IDE: variants seen among roughly 807,000 people sequenced by gnomAD.
The protein encoded by IDE is insulin degrading enzyme.
In IDE, 58 loss-of-function variants were observed where a neutral mutation model predicts 133.2. The observed-to-expected ratio is 0.44, with a 90% CI of 0.35 to 0.54. The LOEUF is 0.54. Among genes scored for constraint, IDE ranks in the 20% least tolerant of loss-of-function variants. IDE has a pLI of 0.00. For synonymous variants in IDE, 396 were observed against 421.3 expected, an observed-to-expected ratio of 0.94 and a Z score of 0.73; for missense variants, 981 against 1,234.0, an observed-to-expected ratio of 0.79 and a Z score of 3.07.
In IDE at chr10:92,534,597, G is replaced by A. The variant is rs1056004069; in HGVS notation, c.472C>T (p.Leu158=). ...NYYFDVSHEH[L]EGALDRFAQF... ...CATTACCTGTCTAGGGCACCTTCTA[G>A]GTGTTCATGAGAAACATCAAAATAG... Residue 158 remains leucine, a synonymous_variant, in exon 3 of 25, where the codon CTA becomes TTA. Coordinates refer to ENST00000265986, the MANE Select transcript of IDE (RefSeq NM_004969.4). The A allele has an allele frequency of 6.2e-7, 1 of 1,612,522 alleles. No individual in the cohort carries two copies. The highest frequency in any genetic ancestry group is 1.3e-5 in the African/African-American group (1 of 74,946).
At chr10:92,484,835 G>A (rs957050579) in intron 13 of IDE, among the ~76,000 whole-genome samples, 24 of 152,004 alleles carry the variant, frequency 1.6e-4, no homozygotes, top group African/African-American at 4.8e-4. Context: ...AGGCAGGATC[G>A]CTTGAGCCTA....
chr10:92,511,732 AG>A (rs1397510662), intron 5 of IDE, among the ~76,000 whole-genome samples: 1 of 152,174 alleles, frequency 6.6e-6, no homozygotes, highest in Non-Finnish European at 1.5e-5. Flanking sequence ...AAATGTCCAG[AG>A]CCAAATAAAA....
chr10:92,566,400 C>T (rs1415355955), intron 1 of IDE, among the ~76,000 whole-genome samples: 1 of 141,196 alleles, frequency 7.1e-6, no homozygotes. Flanking sequence ...CTCTCTCTCT[C>T]TCTCTCTCTC....
chr10:92,537,066 G>A (rs1007181395), intron 2 of IDE, among the ~76,000 whole-genome samples: 4 of 151,052 alleles, frequency 2.6e-5, no homozygotes, highest in African/African-American at 9.7e-5. Context: ...AAAAAGGAAT[G>A]TTATATTAAA....
chr10:92,553,211 G>A (rs1815594929), intron 1 of IDE, among the ~76,000 whole-genome samples: 1 of 152,134 alleles, frequency 6.6e-6, no homozygotes, highest in African/African-American at 2.4e-5. Flanking sequence ...ATCACCTGAA[G>A]TCAGGAGTTC....
At chr10:92,459,987 G>A (rs1267478060) in intron 22 of IDE, among the ~76,000 whole-genome samples, 4 of 151,784 alleles carry the variant, frequency 2.6e-5, no homozygotes, top group Admixed American at 2.0e-4. Context: ...CCGCCACCAT[G>A]CCCAGCTAAT....
intron 5 of IDE, among the ~76,000 whole-genome samples, chr10:92,514,681 A>G (rs1254194009): frequency 6.6e-6 from 1 of 152,134 alleles, no homozygotes; most frequent in Non-Finnish European, 1.5e-5. Context: ...ATATGCTTAG[A>G]GCACCTATTA....
chr10:92,455,426 A>C, intron 24 of IDE, 150 bp downstream of exon 24: 1 of 597,766 alleles, frequency 1.7e-6, no homozygotes, highest in South Asian at 2.1e-5. Flanking sequence ...TAGTGAGCTG[A>C]GCTGAGATCG....
intron 20 of IDE, among the ~76,000 whole-genome samples, chr10:92,464,926 TC>T (rs1190857726): frequency 6.6e-6 from 1 of 152,214 alleles, no homozygotes; most frequent in African/African-American, 2.4e-5. Context: ...CGCCGCAGCC[TC>T]CCAAAGTGCT....
At chr10:92,519,282 A>G (rs999814158) in intron 4 of IDE, among the ~76,000 whole-genome samples, 2 of 152,242 alleles carry the variant, frequency 1.3e-5, no homozygotes, top group African/African-American at 4.8e-5. Flanking sequence ...AACAACGTGA[A>G]TAAGGCTGGG....
chr10:92,533,141 T>C (rs1430558655), intron 3 of IDE, among the ~76,000 whole-genome samples: 1 of 152,184 alleles, frequency 6.6e-6, no homozygotes, highest in Non-Finnish European at 1.5e-5. Context: ...CACAGTATAA[T>C]AAAGTTTTTT....
chr10:92,510,163 C>G lies in IDE; in HGVS notation c.785-1G>C, dbSNP rs760568111. ...AGATTAGTCAAGTCATCTAAAGATT[C>G]TACAAGAAAACAGACAAGGAAAACA... On this transcript the variant is annotated splice_acceptor_variant, in intron 5 of 24. Coordinates refer to ENST00000265986, the MANE Select transcript of IDE (RefSeq NM_004969.4). LOFTEE classifies it high-confidence loss of function. 6.9e-7 allele frequency: 1 copy of G among 1,457,218 alleles called. No individual in the cohort carries two copies. Among genetic ancestry groups the G allele is most frequent in the Non-Finnish European group, 9.6e-7 (1 of 1,044,634 alleles). The allele number at this position is 1,457,218 out of a possible 1,614,324, so 90.3% of individuals were successfully genotyped here. A position where few individuals can be genotyped will look rare whatever the true frequency, so the allele number is the denominator to read the frequency against.
intron 1 of IDE, among the ~76,000 whole-genome samples, chr10:92,563,928 G>A (rs1843399968): frequency 6.6e-6 from 1 of 152,142 alleles, no homozygotes; most frequent in Admixed American, 6.6e-5. Context: ...TAGATAACCT[G>A]TAAAATAACT....
chr10:92,463,591 G>C (rs775426089), intron 21 of IDE, 140 bp downstream of exon 21: 99 of 736,896 alleles, frequency 1.3e-4, no homozygotes, highest in Non-Finnish European at 2.2e-4. Flanking sequence ...CAGTTCTTTG[G>C]AAGTGCCAGC....
intron 11 of IDE, among the ~76,000 whole-genome samples, chr10:92,491,516 T>G (rs1471874230): frequency 6.6e-6 from 1 of 151,958 alleles, no homozygotes; most frequent in Non-Finnish European, 1.5e-5. Flanking sequence ...TCTACCACTG[T>G]AACCTCTGCC....
intron 1 of IDE, among the ~76,000 whole-genome samples, chr10:92,541,631 C>T (rs1842311084): frequency 6.6e-6 from 1 of 152,164 alleles, no homozygotes; most frequent in Non-Finnish European, 1.5e-5. Context: ...AGGCACAGAA[C>T]TGTCTTTTCA....
At chr10:92,458,969 T>C (rs993630508) in intron 22 of IDE, among the ~76,000 whole-genome samples, 2 of 152,154 alleles carry the variant, frequency 1.3e-5, no homozygotes, top group East Asian at 1.9e-4. Flanking sequence ...CTCTATACAA[T>C]GCAAAGGAAG....
intron 4 of IDE, among the ~76,000 whole-genome samples, chr10:92,522,364 G>T (rs773133345): frequency 1.3e-5 from 2 of 152,004 alleles, no homozygotes; most frequent in African/African-American, 2.4e-5. Context: ...TGGTTTTGGG[G>T]GTCAACTTAA....
At chr10:92,531,150 G>C (rs1403269386) in intron 4 of IDE, among the ~76,000 whole-genome samples, 1 of 152,060 alleles carries the variant, frequency 6.6e-6, no homozygotes. Context: ...CTTTTGTACT[G>C]TTTAAATATT....
Sources: gnomAD v4.1 joint callset for allele counts (sites outside exome capture counted in the v4.1 genomes callset) on GRCh38, gnomAD v4.1.1 for gene constraint, MANE v1.5 for transcripts, NCBI Gene and HGNC (gene_info 2026-07-23, HGNC 2026-07-21) for gene names.